HHAT: variants seen among roughly 807,000 people sequenced by gnomAD.
The protein encoded by HHAT is hedgehog acyltransferase.
Under a neutral mutation model 70.8 loss-of-function variants are expected in HHAT, and 47 were observed. The observed-to-expected ratio is 0.66, with a 90% CI of 0.53 to 0.85. HHAT has a LOEUF of 0.85. Among genes scored for constraint, HHAT ranks in the 40% least tolerant of loss-of-function variants. The probability of loss-of-function intolerance (pLI) is 0.00; values close to 1 mark genes in which losing one functional copy is unlikely to be tolerated. For missense variants in HHAT, 609 were observed against 604.8 expected (o/e 1.01, Z -0.07); for synonymous variants, 228 against 247.6 (o/e 0.92, Z 0.74).
intron 7 of HHAT, among the ~76,000 whole-genome samples, chr1:210,432,018 A>G (rs1194671779): frequency 2.0e-5 from 3 of 151,870 alleles, no homozygotes; most frequent in African/African-American, 7.3e-5. Context: ...GTCCTATTCT[A>G]TATCTGTTTT....
chr1:210,527,802 T>C (rs575589092), intron 9 of HHAT, among the ~76,000 whole-genome samples: 43 of 152,334 alleles, frequency 2.8e-4, no homozygotes, highest in African/African-American at 1.0e-3. Context: ...GTACTAGCCA[T>C]GTGACTTTAT....
intron 8 of HHAT, among the ~76,000 whole-genome samples, chr1:210,496,293 G>A (rs2094643188): frequency 6.6e-6 from 1 of 152,094 alleles, no homozygotes; most frequent in African/African-American, 2.4e-5. Context: ...TCACCACATA[G>A]GCCTTTCCTT....
At chr1:210,540,272 T>G (rs746524890) in intron 9 of HHAT, among the ~76,000 whole-genome samples, 3 of 152,234 alleles carry the variant, frequency 2.0e-5, no homozygotes, top group Non-Finnish European at 2.9e-5. Flanking sequence ...GCAACAGCTT[T>G]TCTCCCAGGT....
intron 1 of HHAT, among the ~76,000 whole-genome samples, chr1:210,331,282 A>G (rs2084964019): frequency 6.6e-6 from 1 of 152,068 alleles, no homozygotes; most frequent in Non-Finnish European, 1.5e-5. Context: ...TGACACCCAA[A>G]GTGTGTTTGC....
At position 210,624,814 on chromosome 1, in the gene HHAT, T is replaced by C. The variant is rs138719250; in HGVS notation, c.1390+1144T>C. Among the ~76,000 whole-genome samples the C allele has an allele frequency of 1.4e-3, 207 of 152,326 alleles. 5 individuals carry two copies. In the Middle Eastern group the frequency reaches 0.024, roughly 18 times the overall value. Reference sequence around the variant, plus strand: ...ATACTACTATAGCCAACTTGCTACATCTTAAAAGAGAAGATCCCTGCTCTG... The same window carrying C: ...ATACTACTATAGCCAACTTGCTACACCTTAAAAGAGAAGATCCCTGCTCTG... On this transcript the variant is annotated intron_variant, in intron 11 of 11. Coordinates refer to ENST00000261458, the MANE Select transcript of HHAT (RefSeq NM_018194.6).
chr1:210,380,888 A>G (rs186182569), intron 3 of HHAT, among the ~76,000 whole-genome samples: 92 of 152,258 alleles, frequency 6.0e-4, no homozygotes, highest in African/African-American at 1.9e-3. Context: ...AAGGGTGGAC[A>G]GGGGGACAGG....
intron 3 of HHAT, among the ~76,000 whole-genome samples, chr1:210,380,859 A>AG (rs5780573): frequency 0.17 from 25,170 of 152,020 alleles, 2,511 homozygotes; most frequent in Admixed American, 0.26. Flanking sequence ...GGGGCAGTGA[A>AG]GGTTAGGTAC....
At chr1:210,526,308 C>T (rs996694057) in intron 9 of HHAT, among the ~76,000 whole-genome samples, 2 of 151,090 alleles carry the variant, frequency 1.3e-5, no homozygotes, top group South Asian at 4.2e-4. Context: ...CTCTCAGGCC[C>T]TGTCAGAGAT....
chr1:210,564,119 A>AT (rs34490631), intron 9 of HHAT, among the ~76,000 whole-genome samples: 76,712 of 142,840 alleles, frequency 0.54, 20,938 homozygotes, highest in Non-Finnish European at 0.59. Context: ...ATGCCCAACT[A>AT]TTTTTTTTTT....
chr1:210,481,940 C>A (rs541661255), intron 8 of HHAT, among the ~76,000 whole-genome samples: 11 of 152,006 alleles, frequency 7.2e-5, no homozygotes, highest in Non-Finnish European at 1.5e-4. Flanking sequence ...CCAAAGTGCT[C>A]AAGGAATAGC....
chr1:210,448,094 T>A (rs1281133690), intron 7 of HHAT, among the ~76,000 whole-genome samples: 2 of 151,666 alleles, frequency 1.3e-5, no homozygotes, highest in African/African-American at 4.8e-5. Flanking sequence ...TTTTTTTTTT[T>A]TTTGAGATGA....
At chr1:210,500,557 T>G (rs901004710) in intron 8 of HHAT, among the ~76,000 whole-genome samples, 11 of 152,180 alleles carry the variant, frequency 7.2e-5, no homozygotes, top group East Asian at 3.9e-4. Flanking sequence ...ACGTAATTTT[T>G]GGGGCATCAT....
rs530314229 is a variant in HHAT at position 210,374,236 on chromosome 1, A to G, written c.159+11317A>G. 2.7e-5 allele frequency: 4 copies of G among 150,738 alleles called. No homozygotes were observed. In the South Asian group the frequency reaches 8.4e-4, roughly 32 times the overall value. 9.3% of individuals were successfully genotyped at this position (150,738 alleles called of 1,614,324 possible). Reference sequence around the variant, plus strand: ...CACGGAAATCTTTAGTAAAAGGCGAAAGATTTATTCGATCTGAAGAGAAAC... The same window carrying G: ...CACGGAAATCTTTAGTAAAAGGCGAGAGATTTATTCGATCTGAAGAGAAAC... On this transcript the variant is annotated intron_variant, in intron 3 of 11. Coordinates refer to ENST00000261458, the MANE Select transcript of HHAT (RefSeq NM_018194.6).
At chr1:210,582,825 T>C (rs1659575425) in intron 9 of HHAT, among the ~76,000 whole-genome samples, 1 of 152,240 alleles carries the variant, frequency 6.6e-6, no homozygotes, top group South Asian at 2.1e-4. Flanking sequence ...GCGGAAGTTA[T>C]ACCTCTTGTC....
chr1:210,441,339 TG>T (rs1319000046), intron 7 of HHAT, among the ~76,000 whole-genome samples: 1 of 152,200 alleles, frequency 6.6e-6, no homozygotes, highest in African/African-American at 2.4e-5. Context: ...TGAAGCCTGC[TG>T]GGCCCAGAGG....
intron 9 of HHAT, among the ~76,000 whole-genome samples, chr1:210,534,660 A>G (rs1442450993): frequency 6.6e-6 from 1 of 152,234 alleles, no homozygotes; most frequent in Non-Finnish European, 1.5e-5. Context: ...ATTTTATACC[A>G]TATTTTAAAT....
At chr1:210,423,587 T>G (rs1195685338) in intron 7 of HHAT, among the ~76,000 whole-genome samples, 1 of 152,208 alleles carries the variant, frequency 6.6e-6, no homozygotes, top group African/African-American at 2.4e-5. Context: ...ATTTTTGCTT[T>G]TGTTGCCTGT....
At chr1:210,368,838 G>A (rs61057165) in intron 3 of HHAT, among the ~76,000 whole-genome samples, 2 of 152,082 alleles carry the variant, frequency 1.3e-5, no homozygotes, top group Non-Finnish European at 2.9e-5. Context: ...AGCACTTTGG[G>A]AGGCCGAGGT....
chr1:210,667,461 A>G (rs1024737239), intron 11 of HHAT, among the ~76,000 whole-genome samples: 1 of 152,216 alleles, frequency 6.6e-6, no homozygotes, highest in South Asian at 2.1e-4. Context: ...AAAAAGCCCA[A>G]GACATTGCAA....
Sources: allele counts gnomAD v4.1 joint callset (sites outside exome capture counted in the v4.1 genomes callset), GRCh38; gene constraint gnomAD v4.1.1; transcripts MANE v1.5; gene names NCBI Gene and HGNC (gene_info 2026-07-23, HGNC 2026-07-21).